The following MYH10 variants were observed in gnomAD, a reference collection of about 807,000 sequenced individuals.
The protein encoded by MYH10 is myosin heavy chain 10.
In MYH10, 55 loss-of-function variants were observed where a neutral mutation model predicts 257.8. The observed-to-expected ratio is 0.21, with a 90% CI of 0.17 to 0.27. MYH10 has a LOEUF of 0.27. Among genes scored for constraint, MYH10 ranks in the 10% least tolerant of loss-of-function variants. The probability of loss-of-function intolerance (pLI) is 1.00; values close to 1 mark genes in which losing one functional copy is unlikely to be tolerated. For missense variants in MYH10, 1,631 were observed against 2,500.6 expected, an observed-to-expected ratio of 0.65 and a Z score of 7.42; for synonymous variants, 854 against 921.7, an observed-to-expected ratio of 0.93 and a Z score of 1.33.
intron 32 of MYH10, 89 bp from the exon 33 acceptor site, chr17:8,493,113 A>AC (rs2151821563): frequency 6.9e-7 from 1 of 1,448,342 alleles, no homozygotes; most frequent in Admixed American, 2.2e-5. Flanking sequence ...TAATCCCAGC[A>AC]CTTTGGGAGG....
intron 2 of MYH10, among the ~76,000 whole-genome samples, chr17:8,618,724 C>T (rs549601577): frequency 2.2e-4 from 33 of 152,132 alleles, no homozygotes; most frequent in African/African-American, 7.7e-4. Context: ...ACTAAATATG[C>T]AAGTCTTTCA....
At position 8,623,258 on chromosome 17, in the gene MYH10, C is replaced by T. The variant is rs373145997; in HGVS notation, c.-12G>A. On this transcript the variant is annotated 5_prime_UTR_variant, in exon 2 of 43. Coordinates refer to ENST00000360416, the MANE Select transcript of MYH10 (RefSeq NM_001256012.3). ...GTTCTCTGCGCCATTGTAAATGGAA[C>T]GATCCAAAAGCAATTGCCTCTAAGA... 115 of 1,560,016 alleles carry T rather than the reference C, an allele frequency of 7.4e-5. No homozygotes were observed. The highest frequency in any genetic ancestry group is 9.3e-5 in the Non-Finnish European group (108 of 1,156,444).
Position 8,585,286 on chromosome 17 carries a change from G to GTATATATATATATATATATATATATATA in MYH10, c.530+3794_530+3795insTATATATATATATATATATATATATATA, listed in dbSNP as rs71361807. 2.2e-3 allele frequency among the ~76,000 whole-genome samples: 188 copies of GTATATATATATATATATATATATATATA among 84,524 alleles called. 7 individuals are homozygous for GTATATATATATATATATATATATATATA. The highest frequency in any genetic ancestry group is 5.2e-3 in the East Asian group (12 of 2,324). The allele number at this position is 84,524 out of a possible 152,430, so 55.5% of individuals were successfully genotyped here. A position where few individuals can be genotyped will look rare whatever the true frequency, so the allele number is the denominator to read the frequency against. ...TGTATATATATGTGCATGTGTGTGT[G>GTATATATATATATATATATATATATATA]TGTATATATATATATATATAGCTAC... is the stretch of plus-strand genomic sequence containing the variant. On this transcript the variant is annotated intron_variant, in intron 4 of 42. Transcript: ENST00000360416.
intron 2 of MYH10, among the ~76,000 whole-genome samples, chr17:8,615,024 T>C (rs376897268): frequency 5.9e-5 from 9 of 152,360 alleles, no homozygotes; most frequent in East Asian, 3.9e-4. Flanking sequence ...CCAGGAGCAG[T>C]GGCTCATGCC....
intron 2 of MYH10, among the ~76,000 whole-genome samples, chr17:8,622,304 T>C (rs2085497107): frequency 6.6e-6 from 1 of 152,226 alleles, no homozygotes; most frequent in Admixed American, 6.5e-5. Flanking sequence ...CCCTTATGAT[T>C]TTCAATAACT....
intron 37 of MYH10, 184 bp from the exon 38 acceptor site, chr17:8,481,594 G>A (rs568754545): frequency 5.3e-5 from 30 of 564,962 alleles, no homozygotes; most frequent in African/African-American, 5.2e-4. Flanking sequence ...GCCAGGTGGT[G>A]TGTGGTGTCA....
At chr17:8,547,021 T>A (rs1385701026) in intron 11 of MYH10, among the ~76,000 whole-genome samples, 2 of 152,134 alleles carry the variant, frequency 1.3e-5, no homozygotes, top group Non-Finnish European at 2.9e-5. Context: ...CATTTTCAAC[T>A]TGGGCTGGTT....
intron 9 of MYH10, among the ~76,000 whole-genome samples, chr17:8,549,638 C>G (rs2082556458): frequency 6.6e-6 from 1 of 152,238 alleles, no homozygotes; most frequent in Non-Finnish European, 1.5e-5. Flanking sequence ...CTACAGGGTA[C>G]TGCCTGCTGC....
intron 7 of MYH10, among the ~76,000 whole-genome samples, chr17:8,566,301 T>C (rs777316060): frequency 5.9e-5 from 9 of 152,224 alleles, no homozygotes; most frequent in Non-Finnish European, 1.2e-4. Context: ...TCCCCACCTC[T>C]GGTATTCACA....
chr17:8,478,017 G>A (rs1255994607), intron 41 of MYH10, among the ~76,000 whole-genome samples: 1 of 152,176 alleles, frequency 6.6e-6, no homozygotes, highest in Non-Finnish European at 1.5e-5. Flanking sequence ...GCAATATCCA[G>A]AAACTATACT....
chr17:8,623,290 G>C lies in MYH10; in HGVS notation c.-31-13C>G, dbSNP rs771476962. 3.9e-6 allele frequency: 6 copies of C among 1,538,672 alleles called. No homozygotes were observed. Among genetic ancestry groups the C allele is most frequent in the African/African-American group, 1.4e-5 (1 of 71,610 alleles). On this transcript the variant is annotated splice_polypyrimidine_tract_variant and intron_variant, in intron 1 of 42. Coordinates refer to ENST00000360416, the MANE Select transcript of MYH10 (RefSeq NM_001256012.3). ...AAAGCAATTGCCTCTAAGAGAAGAG[G>C]AGGAGGGCAAAATTAGATGTTTAAG...
At chr17:8,595,493 C>T (rs1016639861) in intron 3 of MYH10, among the ~76,000 whole-genome samples, 1 of 129,534 alleles carries the variant, frequency 7.7e-6, no homozygotes, top group East Asian at 2.4e-4. Context: ...AGTGCAATGG[C>T]GTGATCTCCG....
At chr17:8,572,079 A>G (rs921861573) in intron 6 of MYH10, among the ~76,000 whole-genome samples, 4 of 152,224 alleles carry the variant, frequency 2.6e-5, no homozygotes, top group African/African-American at 9.7e-5. Flanking sequence ...CTACCAAATC[A>G]TAAGAAAAAG....
intron 30 of MYH10, among the ~76,000 whole-genome samples, chr17:8,498,583 C>T (rs540382515): frequency 1.3e-5 from 2 of 152,082 alleles, no homozygotes; most frequent in Non-Finnish European, 2.9e-5. Flanking sequence ...CACAGTAGCT[C>T]AGGCCTGTAA....
Position 8,535,436 on chromosome 17 carries a change from G to C in MYH10, c.1845C>G (p.Thr615=). Residue 615 remains threonine (T), a synonymous_variant, in exon 16 of 43, where the codon ACC becomes ACG. Transcript: ENST00000360416. This position sits in a 1 kb window ranked among gnomAD's most constrained non-coding sequence, Gnocchi z 4.3. Reference sequence around the variant, plus strand: ...ATCTGTCTGATGACTGGTGCAAAAGGGTGGCCACGTTGTCATTCAGGGGGT... The same window carrying C: ...ATCTGTCTGATGACTGGTGCAAAAGCGTGGCCACGTTGTCATTCAGGGGGT... ...NMDPLNDNVA[T]LLHQSSDRFV... is the part of the protein sequence containing the mutation. The C allele has an allele frequency of 6.2e-7, 1 of 1,613,942 alleles. No homozygotes were observed. The highest frequency in any genetic ancestry group is 8.5e-7 in the Non-Finnish European group (1 of 1,179,942).
At chr17:8,612,431 T>C (rs1232735997) in intron 2 of MYH10, among the ~76,000 whole-genome samples, 1 of 152,190 alleles carries the variant, frequency 6.6e-6, no homozygotes, top group Non-Finnish European at 1.5e-5. Context: ...AAGAGTACAA[T>C]AAGATATTCT....
Position 8,506,254 on chromosome 17 carries a change from T to C in MYH10, c.3386+64A>G. ...CAGGGTTTTTGAATGCTCCCGAACA[T>C]AACAAAGTCTGCTGAAACTCAGCCC... On this transcript the variant is annotated intron_variant, in intron 27 of 42. Transcript: ENST00000360416. This position sits in a 1 kb window ranked among gnomAD's most constrained non-coding sequence, Gnocchi z 5.0. The C allele has an allele frequency of 6.7e-7, 1 of 1,492,816 alleles. No homozygotes were observed. Among genetic ancestry groups the C allele is most frequent in the Non-Finnish European group, 8.9e-7 (1 of 1,125,186 alleles). 92.5% of individuals were successfully genotyped at this position (1,492,816 alleles called of 1,614,324 possible).
chr17:8,594,803 T>C (rs1434194937), intron 3 of MYH10, among the ~76,000 whole-genome samples: 1 of 152,228 alleles, frequency 6.6e-6, no homozygotes, highest in East Asian at 1.9e-4. Flanking sequence ...AGATTACTTA[T>C]AATAGTATAA....
intron 2 of MYH10, 85 bp from the exon 3 acceptor site, chr17:8,605,067 G>T: frequency 1.5e-6 from 1 of 687,608 alleles, no homozygotes; most frequent in Non-Finnish European, 2.2e-6. Flanking sequence ...AAACCAAAGA[G>T]TCATTTAAGC....
Sources: allele counts gnomAD v4.1 joint callset (sites outside exome capture counted in the v4.1 genomes callset), GRCh38; gene constraint gnomAD v4.1.1; non-coding constraint Gnocchi (gnomAD v3.1); transcripts MANE v1.5; gene names NCBI Gene and HGNC (gene_info 2026-07-23, HGNC 2026-07-21).